LMLN: variants seen among roughly 807,000 people sequenced by gnomAD.
The protein encoded by LMLN is leishmanolysin like peptidase, also known as leishmanolysin-like peptidase.
LMLN carries 70 observed loss-of-function variants against 92.3 expected under a neutral mutation model. The ratio of observed to expected loss-of-function variants is 0.76; its 90% confidence interval spans 0.63 to 0.92. The LOEUF is 0.92. LMLN is among the 40% of genes least tolerant of loss of function. LMLN has a pLI of 0.00. For missense variants in LMLN, 691 were observed against 814.6 expected, an observed-to-expected ratio of 0.85 and a Z score of 1.85; for synonymous variants, 308 against 296.2, an observed-to-expected ratio of 1.04 and a Z score of -0.41.
chr3:198,018,708 C>T (rs1486489127), intron 11 of LMLN, among the ~76,000 whole-genome samples: 1 of 152,018 alleles, frequency 6.6e-6, no homozygotes, highest in Non-Finnish European at 1.5e-5. Context: ...AATTCGATTA[C>T]AATTTGTTAG....
chr3:198,035,415 C>T lies in LMLN; in HGVS notation c.1657-418C>T, dbSNP rs181972302. On this transcript the variant is annotated intron_variant, in intron 14 of 15. Transcript: ENST00000330198. ...GTCTCGCTCTGTTGGCAGGCTGGAG[C>T]GCAGTGGCATGATCTCGGCTCACTG... Among the ~76,000 whole-genome samples, 232 of 134,482 alleles carry T rather than the reference C, an allele frequency of 1.7e-3. 1 individual carries two copies. The highest frequency in any genetic ancestry group is 6.3e-3 in the African/African-American group (207 of 33,068). 88.2% of individuals were successfully genotyped at this position (134,482 alleles called of 152,430 possible). A position where few individuals can be genotyped will look rare whatever the true frequency, so the allele number is the denominator to read the frequency against.
At chr3:197,989,015 C>T (rs1223295767) in intron 8 of LMLN, among the ~76,000 whole-genome samples, 1 of 152,054 alleles carries the variant, frequency 6.6e-6, no homozygotes, top group African/African-American at 2.4e-5. Context: ...TTTTACTTTC[C>T]ACCTATTTGT....
chr3:197,987,087 G>C (rs374194359), intron 8 of LMLN, among the ~76,000 whole-genome samples: 10 of 150,892 alleles, frequency 6.6e-5, no homozygotes, highest in African/African-American at 2.2e-4. Flanking sequence ...TGATCTGCCC[G>C]CCTCGGCCTC....
chr3:197,992,075 G>T (rs1416750211), intron 9 of LMLN, among the ~76,000 whole-genome samples: 12 of 139,290 alleles, frequency 8.6e-5, no homozygotes, highest in Non-Finnish European at 1.7e-4. Context: ...GTTGGTCAGG[G>T]TGAGACCCTG....
intron 8 of LMLN, among the ~76,000 whole-genome samples, chr3:197,986,385 A>G (rs1721707443): frequency 6.6e-6 from 1 of 152,210 alleles, no homozygotes; most frequent in African/African-American, 2.4e-5. Context: ...AATTCAGCTC[A>G]GGAGGCTGAG....
At chr3:197,999,891 G>A (rs573957878) in intron 11 of LMLN, 6 of 152,284 alleles carry the variant, frequency 3.9e-5, no homozygotes, top group South Asian at 4.1e-4. Flanking sequence ...ATTTGTTTTC[G>A]AATAAGCAGG....
At chr3:198,022,477 A>G (rs1303440938) in intron 13 of LMLN, among the ~76,000 whole-genome samples, 1 of 152,196 alleles carries the variant, frequency 6.6e-6, no homozygotes, top group Non-Finnish European at 1.5e-5. Context: ...TACATTCTAA[A>G]TTTTTGTATT....
At chr3:198,028,113 G>C (rs1722984638) in intron 14 of LMLN, among the ~76,000 whole-genome samples, 1 of 152,102 alleles carries the variant, frequency 6.6e-6, no homozygotes, top group African/African-American at 2.4e-5. Flanking sequence ...TCAGCATCCT[G>C]TACCACAGAG....
chr3:198,006,585 G>A (rs201861057), intron 11 of LMLN, among the ~76,000 whole-genome samples: 3 of 152,084 alleles, frequency 2.0e-5, no homozygotes, highest in East Asian at 3.9e-4. Context: ...TTGTTTAATC[G>A]ATTCTGATAG....
chr3:197,973,999 A>G (rs1318251621), intron 1 of LMLN, among the ~76,000 whole-genome samples: 3 of 152,156 alleles, frequency 2.0e-5, no homozygotes, highest in African/African-American at 7.2e-5. Flanking sequence ...TTCATAAATA[A>G]ATTTTTGTCC....
At chr3:198,043,557 T>A (rs1415012541) in exon 16 of LMLN, 3 of 152,642 alleles carry the variant, frequency 2.0e-5, no homozygotes, top group Admixed American at 1.3e-4. Flanking sequence ...AGGAGTAATA[T>A]TTTTTTAATA....
intron 1 of LMLN, among the ~76,000 whole-genome samples, chr3:197,966,818 G>A (rs544191215): frequency 1.8e-3 from 274 of 152,126 alleles, no homozygotes; most frequent in Non-Finnish European, 3.3e-3. Context: ...TAGAGACAGG[G>A]TGTTACTCTG....
intron 9 of LMLN, among the ~76,000 whole-genome samples, chr3:197,990,990 T>A (rs1721850132): frequency 6.6e-6 from 1 of 152,100 alleles, no homozygotes; most frequent in African/African-American, 2.4e-5. Context: ...TAGTCAAGGT[T>A]CTCCAGAGAA....
intron 14 of LMLN, among the ~76,000 whole-genome samples, chr3:198,029,628 G>A (rs955099906): frequency 5.9e-5 from 9 of 152,132 alleles, no homozygotes; most frequent in Middle Eastern, 3.4e-3. Context: ...AGCCAAGATC[G>A]CACCACTGCA....
intron 11 of LMLN, among the ~76,000 whole-genome samples, chr3:198,011,909 AAAAG>A: frequency 6.6e-6 from 1 of 152,356 alleles, no homozygotes; most frequent in South Asian, 2.1e-4. Flanking sequence ...TCTGCACAGA[AAAAG>A]AAACTACCAT....
In LMLN at chr3:198,017,658, A is replaced by G. The variant is rs570396961; in HGVS notation, c.1233-1595A>G. Among the ~76,000 whole-genome samples the G allele has an allele frequency of 6.2e-4, 94 of 152,148 alleles. 2 individuals are homozygous for G. The highest frequency in any genetic ancestry group is 4.9e-4 in the Non-Finnish European group (33 of 67,994). Reference sequence around the variant, plus strand: ...TCAGGGCCAGGCATGGTGGCCCATGACCGTAATCCCAGCACTTTGGGAGGC... The same window carrying G: ...TCAGGGCCAGGCATGGTGGCCCATGGCCGTAATCCCAGCACTTTGGGAGGC... On this transcript the variant is annotated intron_variant, in intron 11 of 15. Coordinates refer to ENST00000330198, the Ensembl canonical transcript of LMLN.
intron 11 of LMLN, among the ~76,000 whole-genome samples, chr3:198,009,602 A>T (rs747245295): frequency 1.3e-5 from 2 of 152,052 alleles, no homozygotes; most frequent in Non-Finnish European, 2.9e-5. Flanking sequence ...GGGCCTGGAG[A>T]TTTCTCTTTT....
chr3:198,030,438 G>GT (rs534371294), intron 14 of LMLN, among the ~76,000 whole-genome samples: 6 of 152,088 alleles, frequency 3.9e-5, no homozygotes, highest in Non-Finnish European at 8.8e-5. Context: ...TTAAGACCTT[G>GT]TTTTTTTGCA....
chr3:197,982,454 G>A (rs1222661783), intron 6 of LMLN, among the ~76,000 whole-genome samples: 1 of 152,116 alleles, frequency 6.6e-6, no homozygotes, highest in Admixed American at 6.5e-5. Flanking sequence ...TTGAACTCCT[G>A]ACCTCTGGTG....
Sources: allele counts gnomAD v4.1 joint callset (sites outside exome capture counted in the v4.1 genomes callset), GRCh38; gene constraint gnomAD v4.1.1; transcripts MANE v1.5; gene names NCBI Gene and HGNC (gene_info 2026-07-23, HGNC 2026-07-21).